CTCFL: variants seen among roughly 807,000 people sequenced by gnomAD.
CTCFL encodes CCCTC-binding factor like.
A neutral mutation model predicts 67.4 loss-of-function variants in CTCFL; 36 were observed. The observed-to-expected ratio is 0.53, with a 90% CI of 0.41 to 0.71. The LOEUF (loss-of-function observed/expected upper bound fraction) is 0.71. CTCFL is among the 30% of genes least tolerant of loss of function. The pLI is 0.00. For synonymous variants in CTCFL, 324 were observed against 302.3 expected (o/e 1.07, Z -0.75); for missense variants, 786 against 835.2 (o/e 0.94, Z 0.73).
chr20:57,503,660 CAG>C, intron 9 of CTCFL, 59 bp from the exon 10 acceptor site: 1 of 1,572,518 alleles, frequency 6.4e-7, no homozygotes, highest in Non-Finnish European at 8.6e-7. Context: ...GGACCCCTCT[CAG>C]GGGCCTGTGG....
intron 10 of CTCFL, among the ~76,000 whole-genome samples, chr20:57,501,457 C>T (rs2067913071): frequency 1.3e-5 from 2 of 151,866 alleles, no homozygotes; most frequent in Non-Finnish European, 2.9e-5. Context: ...CAGAAGGGGC[C>T]TTAGATGGGA....
intron 9 of CTCFL, among the ~76,000 whole-genome samples, chr20:57,508,056 T>C (rs768239090): frequency 1.3e-5 from 2 of 151,992 alleles, no homozygotes; most frequent in Non-Finnish European, 2.9e-5. Flanking sequence ...GGTCCTCCTG[T>C]CTCAGCCTCC....
At chr20:57,519,741 A>G (rs1298045037) in intron 3 of CTCFL, among the ~76,000 whole-genome samples, 3 of 152,160 alleles carry the variant, frequency 2.0e-5, no homozygotes, top group Non-Finnish European at 4.4e-5. Context: ...TGGGGCGCCC[A>G]AGAAATGTGG....
intron 5 of CTCFL, 39 bp downstream of exon 5, chr20:57,518,719 T>A (rs2069113277): frequency 6.2e-7 from 1 of 1,614,038 alleles, no homozygotes; most frequent in Non-Finnish European, 8.5e-7. Context: ...CAGCCTCTAC[T>A]AAGATGCCAT....
intron 3 of CTCFL, among the ~76,000 whole-genome samples, chr20:57,519,598 GCA>G (rs1209017701): frequency 6.6e-6 from 1 of 152,174 alleles, no homozygotes; most frequent in African/African-American, 2.4e-5. Context: ...CTGTTTCTGG[GCA>G]CAGAGTGGAC....
intron 9 of CTCFL, chr20:57,507,145 G>A (rs1317904510): frequency 2.9e-5 from 19 of 654,230 alleles, no homozygotes; most frequent in African/African-American, 4.0e-5. Context: ...TTCCCCACTC[G>A]AGTGTGGGTG....
intron 8 of CTCFL, among the ~76,000 whole-genome samples, chr20:57,510,297 C>G (rs2068466196): frequency 6.6e-6 from 1 of 152,244 alleles, no homozygotes; most frequent in South Asian, 2.1e-4. Context: ...TATTTACTTT[C>G]TTAGAAAGCA....
rs1422224225 is a variant in CTCFL, at chr20:57,503,536, C to G, written c.1740G>C (p.Lys580Asn). 1.9e-6 allele frequency: 3 copies of G among 1,614,172 alleles called. No individual in the cohort carries two copies. The East Asian group carries it at 6.7e-5, about 36-fold the overall frequency. ...SGEAKSAASG[K>N]GRRTRKRKQT... The stretch of plus-strand genomic sequence containing the variant: ...GCTTCCTCTTTCTTGTTCTTCTTCC[C>G]TTTCCTGAAGCAGCCGACTTTGCTT... Residue 580 changes from lysine to asparagine, a missense_variant, in exon 10 of 11, where the codon AAG becomes AAC. Lys to Asn is a moderately conservative substitution (Grantham distance 94). Transcript: ENST00000243914.
chr20:57,499,116 T>A, intron 10 of CTCFL, among the ~76,000 whole-genome samples: 1 of 144,690 alleles, frequency 6.9e-6, no homozygotes. Context: ...CCAGCTGGCA[T>A]CAGCTGCTAT....
Position 57,519,279 on chromosome 20 carries a change from G to A in CTCFL, c.853C>T (p.His285Tyr), listed in dbSNP as rs1330300435. The A allele has an allele frequency of 1.9e-6, 3 of 1,614,162 alleles. No individual in the cohort carries two copies. Among genetic ancestry groups the A allele is most frequent in the Admixed American group, 1.7e-5 (1 of 60,030 alleles). The change falls in exon 4 of 11, where the codon CAC (histidine) becomes TAC (tyrosine). Residue 285 changes from histidine to tyrosine, a missense_variant. His to Tyr is a moderately conservative substitution (Grantham distance 83). Transcript: ENST00000243914. ...HMKTHTSEKPHLCHLCLKTFR... is the reference protein window; with the variant it reads ...HMKTHTSEKPYLCHLCLKTFR... Reference sequence around the variant, plus strand: ...GTTTTCAGGCAGAGGTGACACAGGTGAGGCTTCTCACTGGTGTGAGTTTTC... The same window carrying A: ...GTTTTCAGGCAGAGGTGACACAGGTAAGGCTTCTCACTGGTGTGAGTTTTC...
In CTCFL at chr20:57,497,166, T is replaced by C. The variant is rs982159685; in HGVS notation, c.*1384A>G. On this transcript the variant is annotated 3_prime_UTR_variant, in exon 11 of 11. Transcript: ENST00000243914. The stretch of plus-strand genomic sequence containing the variant: ...GACCAATGCTGACATATAACAAATA[T>C]AGCAATTTTAAGTCATTTCATTTTA... 6 of 782,078 alleles carry C rather than the reference T, an allele frequency of 7.7e-6. No homozygotes were observed. Among genetic ancestry groups the C allele is most frequent in the African/African-American group, 1.9e-5 (1 of 53,210 alleles). 48.4% of individuals were successfully genotyped at this position (782,078 alleles called of 1,614,324 possible). A position where few individuals can be genotyped will look rare whatever the true frequency, so the allele number is the denominator to read the frequency against.
chr20:57,496,767 T>C (rs761676852), downstream of CTCFL, among the ~76,000 whole-genome samples: 1 of 152,232 alleles, frequency 6.6e-6, no homozygotes, highest in Admixed American at 6.5e-5. Context: ...TGTTGTAGCA[T>C]GTGTGAGGGT....
Position 57,523,152 on chromosome 20 carries a change from C to T in CTCFL, c.670G>A (p.Val224Met). 1 of 1,614,036 alleles carries T rather than the reference C, an allele frequency of 6.2e-7. No homozygotes were observed. The highest frequency in any genetic ancestry group is 1.1e-5 in the South Asian group (1 of 91,082). Residue 224 changes from valine to methionine, a missense_variant, in exon 3 of 11, where the codon GTG (valine) becomes ATG (methionine). Physicochemically the swap from Val to Met is conservative, Grantham distance 21. This residue lies in a region of CTCFL where 333 missense variants were observed against 304.6 expected (regional missense o/e 1.09). Coordinates refer to ENST00000243914, the MANE Select transcript of CTCFL (RefSeq NM_001386993.1). ...EIVLTVSNSN[V>M]EEQEDQPTAG... ...GTAGGTTGATCCTCTTGTTCTTCCACATTTGAATTTGAAACTGTGAGAACA... is the reference window on the plus strand; with the variant it reads ...GTAGGTTGATCCTCTTGTTCTTCCATATTTGAATTTGAAACTGTGAGAACA...
rs772576845 is a variant in CTCFL, at chr20:57,514,740, A to G, written c.1182T>C (p.Gly394=). The change falls in exon 7 of 11, where the codon GGT becomes GGC. Residue 394 remains glycine, a splice_region_variant and synonymous_variant. Coordinates refer to ENST00000243914, the MANE Select transcript of CTCFL (RefSeq NM_001386993.1). ...KLKRHMRTHS[G]EKPYECHICH... ...AGATGTGGCATTCGTAAGGCTTCTCACCTGAGATGCAGACAACAAAGTGAT... is the reference window on the plus strand; with the variant it reads ...AGATGTGGCATTCGTAAGGCTTCTCGCCTGAGATGCAGACAACAAAGTGAT... The G allele has an allele frequency of 6.2e-7, 1 of 1,613,612 alleles. No homozygotes were observed. Among genetic ancestry groups the G allele is most frequent in the South Asian group, 1.1e-5 (1 of 91,046 alleles).
chr20:57,508,831 G>C, intron 8 of CTCFL, 43 bp from the exon 9 acceptor site: 1 of 1,563,890 alleles, frequency 6.4e-7, no homozygotes, highest in Non-Finnish European at 8.8e-7. Flanking sequence ...AGTTCAAAGG[G>C]TTTTCTCGAT....
chr20:57,511,482 G>T (rs1294608228), intron 8 of CTCFL, among the ~76,000 whole-genome samples: 1 of 152,062 alleles, frequency 6.6e-6, no homozygotes, highest in Non-Finnish European at 1.5e-5. Context: ...TAACATCATG[G>T]ATTGGTCATT....
intron 3 of CTCFL, 21 bp downstream of exon 3, chr20:57,523,047 C>G (rs771867715): frequency 6.2e-7 from 1 of 1,600,632 alleles, no homozygotes; most frequent in Admixed American, 1.7e-5. Flanking sequence ...GGAGTGTATT[C>G]TATGAGATGA....
At position 57,507,807 on chromosome 20, in the gene CTCFL, ATGTT is replaced by A. The variant is rs917525675; in HGVS notation, c.1674+795_1674+798del. The stretch of plus-strand genomic sequence containing the variant: ...ACCCAGAGAATCTGTCAGGTGATAA[ATGTT>A]TGTGGTTTTAAGCCACTCCATTTTG... On this transcript the variant is annotated intron_variant, in intron 9 of 10. Coordinates refer to ENST00000243914, the MANE Select transcript of CTCFL (RefSeq NM_001386993.1). 17 of 702,888 alleles carry A rather than the reference ATGTT, an allele frequency of 2.4e-5. No individual in the cohort carries two copies. The Admixed American group carries it at 3.4e-4, about 14-fold the overall frequency. The allele number at this position is 702,888 out of a possible 1,614,324, so 43.5% of individuals were successfully genotyped here. A position where few individuals can be genotyped will look rare whatever the true frequency, so the allele number is the denominator to read the frequency against.
Position 57,507,958 on chromosome 20 carries a change from T to G in CTCFL, c.1674+648A>C, listed in dbSNP as rs2068308984. The G allele has an allele frequency of 9.1e-6, 6 of 658,126 alleles. No homozygotes were observed. The South Asian group carries it at 1.0e-4, about 11-fold the overall frequency. The allele number at this position is 658,126 out of a possible 1,614,324, so 40.8% of individuals were successfully genotyped here. A position where few individuals can be genotyped will look rare whatever the true frequency, so the allele number is the denominator to read the frequency against. On this transcript the variant is annotated intron_variant, in intron 9 of 10. Transcript: ENST00000243914. ...TTTTTTTTTAATTAAAAAAGTTATTTTAGAGACAGGGTCTCACTCTGTCTT... is the reference window on the plus strand; with the variant it reads ...TTTTTTTTTAATTAAAAAAGTTATTGTAGAGACAGGGTCTCACTCTGTCTT...
Sources: allele counts gnomAD v4.1 joint callset (sites outside exome capture counted in the v4.1 genomes callset), GRCh38; gene constraint gnomAD v4.1.1; regional missense constraint gnomAD v4.1.1; transcripts MANE v1.5; gene names NCBI Gene and HGNC (gene_info 2026-07-23, HGNC 2026-07-21).